Variants in INTS1 observed in about 807,000 individuals in gnomAD.
INTS1 encodes integrator complex subunit 1.
Under a neutral mutation model 241.6 loss-of-function variants are expected in INTS1, and 137 were observed. The ratio of observed to expected loss-of-function variants is 0.57; its 90% CI spans 0.49 to 0.65. The LOEUF is 0.65. Among genes scored for constraint, INTS1 ranks in the 30% least tolerant of loss-of-function variants. The pLI is 0.00. For missense variants in INTS1, 3,073 were observed against 3,032.2 expected, an observed-to-expected ratio of 1.01 and a Z score of -0.32; for synonymous variants, 1,692 against 1,337.8, an observed-to-expected ratio of 1.26 and a Z score of -5.78.
At chr7:1,472,605 G>C (rs902810961) in intron 43 of INTS1, among the ~76,000 whole-genome samples, 10 of 152,268 alleles carry the variant, frequency 6.6e-5, no homozygotes, top group African/African-American at 2.4e-4. Flanking sequence ...TGGGTTTCTC[G>C]CAATGTGGGC....
In INTS1 at chr7:1,492,770, G is replaced by C. The variant is rs371403049; in HGVS notation, c.2165+240C>G. Among the ~76,000 whole-genome samples the C allele has an allele frequency of 3.3e-4, 50 of 152,316 alleles. 1 individual carries two copies. In the East Asian group the frequency reaches 6.0e-3, roughly 18 times the overall value. ...GGCCGAGCCAGTCAAGGCCCGTAGT[G>C]GCCTCACTGGTCTCTGGGAACAGGC... On this transcript the variant is annotated intron_variant, in intron 16 of 47. Transcript: ENST00000404767.
At chr7:1,496,299 G>C in intron 11 of INTS1, 35 bp from the exon 12 acceptor site, 1 of 1,529,360 alleles carries the variant, frequency 6.5e-7, no homozygotes, top group Non-Finnish European at 9.0e-7. Flanking sequence ...ATCCAGAAGG[G>C]ACACCCGGGA....
chr7:1,495,550 A>G lies in INTS1; in HGVS notation c.1715T>C (p.Leu572Pro), dbSNP rs772654411. ...GTTCTGGAATGAGCGGAGCACTTCCAGGTCTGAAACAGACACGCAGCTTAG... is the reference window on the plus strand; with the variant it reads ...GTTCTGGAATGAGCGGAGCACTTCCGGGTCTGAAACAGACACGCAGCTTAG... ...IAWDKGEKRN[L>P]EVLRSFQNQI... The change falls in exon 13 of 48, where the codon CTG becomes CCG. Residue 572 changes from leucine (L) to proline (P), a missense_variant. Leu to Pro is a moderately conservative substitution (Grantham distance 98). Transcript: ENST00000404767. The G allele has an allele frequency of 3.1e-6, 5 of 1,609,370 alleles. No individual in the cohort carries two copies. In the Admixed American group the frequency reaches 5.0e-5, roughly 16 times the overall value.
chr7:1,482,491 G>A (rs1026351988), intron 27 of INTS1, 55 bp downstream of exon 27: 9 of 1,531,154 alleles, frequency 5.9e-6, no homozygotes, highest in African/African-American at 1.4e-5. Flanking sequence ...GAGCAGGCAA[G>A]GGGCCCGGGA....
rs940796444 is a variant in INTS1, at chr7:1,493,983, C to A, written c.1911-72G>T. ...CCAGACCTGAGGGGCCGAGGACAGGCCAGCTTCTCCCTCAGAGCCCACGGG... is the reference window on the plus strand; with the variant it reads ...CCAGACCTGAGGGGCCGAGGACAGGACAGCTTCTCCCTCAGAGCCCACGGG... On this transcript the variant is annotated intron_variant, in intron 14 of 47. Transcript: ENST00000404767. The surrounding 1 kb of genome is among the most constrained non-coding windows in gnomAD (Gnocchi z 5.3). The A allele has an allele frequency of 2.0e-6, 3 of 1,481,512 alleles. No individual in the cohort carries two copies. The highest frequency in any genetic ancestry group is 1.4e-5 in the African/African-American group (1 of 71,002). The allele number at this position is 1,481,512 out of a possible 1,614,324, so 91.8% of individuals were successfully genotyped here.
rs376639564 is a variant in INTS1, at chr7:1,486,600, C to G, written c.2976+25G>C. Reference sequence around the variant, plus strand: ...TCATTTTAAACATGAAGAGCGTGCGCAGAAAGACCCGCCCACCACCTCACC... The same window carrying G: ...TCATTTTAAACATGAAGAGCGTGCGGAGAAAGACCCGCCCACCACCTCACC... On this transcript the variant is annotated intron_variant, in intron 22 of 47. Transcript: ENST00000404767. 3.2e-3 allele frequency: 5,094 copies of G among 1,606,252 alleles called. 16 individuals carry two copies. Among genetic ancestry groups the G allele is most frequent in the Middle Eastern group, 0.012 (75 of 6,004 alleles).
Position 1,498,691 on chromosome 7 carries a change from C to T in INTS1, c.1283+16G>A, listed in dbSNP as rs1344051529. On this transcript the variant is annotated intron_variant, in intron 9 of 47. Transcript: ENST00000404767. ...ACTCCACCCGCACCCCCGCTCTGCCCCGGCTCGCCACGCACCTGATGCACA... is the reference window on the plus strand; with the variant it reads ...ACTCCACCCGCACCCCCGCTCTGCCTCGGCTCGCCACGCACCTGATGCACA... 3 of 1,549,088 alleles carry T rather than the reference C, an allele frequency of 1.9e-6. No individual in the cohort carries two copies. Among genetic ancestry groups the T allele is most frequent in the African/African-American group, 2.7e-5 (2 of 72,814 alleles).
chr7:1,494,980 C>G, intron 13 of INTS1, 87 bp from the exon 14 acceptor site: 1 of 1,468,042 alleles, frequency 6.8e-7, no homozygotes, highest in Non-Finnish European at 9.2e-7. Context: ...CCCGCTCCCA[C>G]GGGCCCCAGC....
At position 1,499,845 on chromosome 7, in the gene INTS1, C is replaced by T. The variant is rs142684687; in HGVS notation, c.684+39G>A. On this transcript the variant is annotated intron_variant, in intron 5 of 47. Transcript: ENST00000404767. Reference sequence around the variant, plus strand: ...CTCTCGCCCCTGCCCCACCCCGTGGCGCTCTGCCATCTTCACCGTCCCGGG... The same window carrying T: ...CTCTCGCCCCTGCCCCACCCCGTGGTGCTCTGCCATCTTCACCGTCCCGGG... 7.3e-4 allele frequency: 1,169 copies of T among 1,592,962 alleles called. 13 individuals are homozygous for T. The African/African-American group carries it at 0.013, about 18-fold the overall frequency.
chr7:1,473,979 G>A (rs1355556031), intron 41 of INTS1, among the ~76,000 whole-genome samples, 189 bp downstream of exon 41: 1 of 152,210 alleles, frequency 6.6e-6, no homozygotes, highest in Non-Finnish European at 1.5e-5. Context: ...AAGGACGTGG[G>A]CCCCCCAGGC....
At position 1,481,357 on chromosome 7, in the gene INTS1, T is replaced by C; in HGVS notation, c.3835A>G (p.Asn1279Asp). The change falls in exon 28 of 48, where the codon AAC becomes GAC. Residue 1279 changes from asparagine to aspartate, a missense_variant. Physicochemically the swap from Asn to Asp is conservative, Grantham distance 23. Coordinates refer to ENST00000404767, the MANE Select transcript of INTS1 (RefSeq NM_001080453.3). This position sits in a 1 kb window ranked among gnomAD's most constrained non-coding sequence, Gnocchi z 6.8. ...GGCATCTTACTCTTGTCCATGATGT[T>C]CTGCTCCAGAGTCTGGGGGTCGTGG... ...VAHDPQTLEQ[N>D]IMDKNYMAHL... 1 of 1,612,960 alleles carries C rather than the reference T, an allele frequency of 6.2e-7. No homozygotes were observed.
At position 1,481,953 on chromosome 7, in the gene INTS1, G is replaced by A. The variant is rs746305971; in HGVS notation, c.3704-465C>T. On this transcript the variant is annotated intron_variant, in intron 27 of 47. Coordinates refer to ENST00000404767, the MANE Select transcript of INTS1 (RefSeq NM_001080453.3). The surrounding 1 kb of genome is among the most constrained non-coding windows in gnomAD (Gnocchi z 6.8). ...GCGCAGTACACTTCCGAAGCTGCAC[G>A]CAGGCTGCTGTGACTATCTTCTCTC... 6.6e-6 allele frequency among the ~76,000 whole-genome samples: 1 copy of A among 152,180 alleles called. No homozygotes were observed. The highest frequency in any genetic ancestry group is 2.4e-5 in the African/African-American group (1 of 41,438).
At chr7:1,490,321 G>A (rs1782485758) in intron 16 of INTS1, among the ~76,000 whole-genome samples, 2 of 152,236 alleles carry the variant, frequency 1.3e-5, no homozygotes, top group African/African-American at 2.4e-5. Flanking sequence ...GGACGCCCCT[G>A]AAAGGGTGTC....
rs914469076 is a variant in INTS1, at chr7:1,494,853, A to G, written c.1873T>C (p.Tyr625His). 3.1e-5 allele frequency: 48 copies of G among 1,569,498 alleles called. No homozygotes were observed. The highest frequency in any genetic ancestry group is 4.0e-5 in the Non-Finnish European group (46 of 1,157,990). The change falls in exon 14 of 48, where the codon TAC becomes CAC. Residue 625 changes from tyrosine to histidine, a missense_variant. Transcript: ENST00000404767. ...TCGGGTGGCCAGTTGTCCCACTTGTAGTAGGTCTCCGGCTGCTCTGTGAAC... is the reference window on the plus strand; with the variant it reads ...TCGGGTGGCCAGTTGTCCCACTTGTGGTAGGTCTCCGGCTGCTCTGTGAAC... Reference protein sequence around the residue: ...VLFTEQPETYYKWDNWPPESD... With the variant: ...VLFTEQPETYHKWDNWPPESD...
Position 1,485,137 on chromosome 7 carries a change from C to G in INTS1, c.3222G>C (p.Thr1074=), listed in dbSNP as rs756507694. Reference sequence around the variant, plus strand: ...TGTGCTGGGCCTGCTCCTCCACAGGCGTGTGCTGGGACAAGTAGATCAGGT... The same window carrying G: ...TGTGCTGGGCCTGCTCCTCCACAGGGGTGTGCTGGGACAAGTAGATCAGGT... ...SAYLIYLSQH[T]PVEEQAQHSD... is the part of the protein sequence containing the mutation. The change falls in exon 24 of 48, where the codon ACG becomes ACC. Residue 1074 remains threonine, a synonymous_variant. Coordinates refer to ENST00000404767, the MANE Select transcript of INTS1 (RefSeq NM_001080453.3). 21 of 1,600,998 alleles carry G rather than the reference C, an allele frequency of 1.3e-5. No individual in the cohort carries two copies. The highest frequency in any genetic ancestry group is 1.7e-5 in the Non-Finnish European group (20 of 1,179,586).
intron 26 of INTS1, 178 bp from the exon 27 acceptor site, chr7:1,482,885 A>G: frequency 1.5e-6 from 1 of 678,342 alleles, no homozygotes; most frequent in Non-Finnish European, 2.5e-6. Context: ...GCGTAGGTGC[A>G]CGCATTTGAT....
At position 1,489,370 on chromosome 7, in the gene INTS1, C is replaced by G; in HGVS notation, c.2292G>C (p.Lys764Asn). 1 of 1,610,004 alleles carries G rather than the reference C, an allele frequency of 6.2e-7. No individual in the cohort carries two copies. The highest frequency in any genetic ancestry group is 8.5e-7 in the Non-Finnish European group (1 of 1,178,778). The change falls in exon 18 of 48, where the codon AAG becomes AAC. Residue 764 changes from lysine (K) to asparagine (N), a missense_variant. Transcript: ENST00000404767. The part of the protein sequence containing the change: ...LAAWEEYPTL[K>N]MLMEMVMTNN... The stretch of plus-strand genomic sequence containing the variant: ...TGGTCATCACCATCTCCATGAGCAT[C>G]TTCAGGGTCGGGTACTCCTCCCACG...
rs1782091677 is a variant in INTS1 at position 1,483,436 on chromosome 7, A to G, written c.3541+306T>C. 8 of 464,136 alleles carry G rather than the reference A, an allele frequency of 1.7e-5. No individual in the cohort carries two copies. In the South Asian group the frequency reaches 1.7e-4, roughly 10 times the overall value. The allele number at this position is 464,136 out of a possible 1,614,324, so 28.8% of individuals were successfully genotyped here. A position where few individuals can be genotyped will look rare whatever the true frequency, so the allele number is the denominator to read the frequency against. On this transcript the variant is annotated intron_variant, in intron 26 of 47. Transcript: ENST00000404767. ...GAGTTTGCCGCCTCCCAGGCACCGC[A>G]GGCCTACACGGTTAGGCTGGGGCAG...
intron 8 of INTS1, 45 bp downstream of exon 8, chr7:1,498,930 G>GCCCCCCCCCCCCCCCCCCCCCC: frequency 2.1e-6 from 3 of 1,460,188 alleles, no homozygotes; most frequent in African/African-American, 1.4e-5. Context: ...CACAGAGCCT[G>GCCCCCCCCCCCCCCCCCCCCCC]CCCCCACCCC....
Sources: gnomAD v4.1 joint callset for allele counts (sites outside exome capture counted in the v4.1 genomes callset) on GRCh38, gnomAD v4.1.1 for gene constraint, Gnocchi (gnomAD v3.1) non-coding constraint, MANE v1.5 for transcripts, NCBI Gene and HGNC (gene_info 2026-07-23, HGNC 2026-07-21) for gene names.